Variants in HDAC4 observed in about 807,000 individuals in gnomAD.
The protein encoded by HDAC4 is histone deacetylase 4.
A neutral mutation model predicts 135.1 loss-of-function variants in HDAC4; 16 were observed. The ratio of observed to expected loss-of-function variants is 0.12; its 90% confidence interval spans 0.08 to 0.18. HDAC4 has a LOEUF of 0.18. Among genes scored for constraint, HDAC4 ranks in the 10% least tolerant of loss-of-function variants. HDAC4 has a pLI of 1.00. For missense variants in HDAC4, 1,143 were observed against 1,511.8 expected, an observed-to-expected ratio of 0.76 and a Z score of 4.05; for synonymous variants, 685 against 653.4, an observed-to-expected ratio of 1.05 and a Z score of -0.74.
intron 11 of HDAC4, among the ~76,000 whole-genome samples, chr2:239,130,388 G>A (rs911175382): frequency 6.6e-6 from 1 of 152,168 alleles, no homozygotes; most frequent in Non-Finnish European, 1.5e-5. Context: ...GAAGCCAGGG[G>A]CACCCTCCAC....
chr2:239,223,870 G>A (rs2047099789), intron 3 of HDAC4, among the ~76,000 whole-genome samples: 1 of 151,540 alleles, frequency 6.6e-6, no homozygotes, highest in African/African-American at 2.4e-5. Flanking sequence ...AAAAAAAAAA[G>A]GGAAAAGAAA....
chr2:239,094,814 C>T, intron 17 of HDAC4, 196 bp downstream of exon 17: 1 of 1,456,832 alleles, frequency 6.9e-7, no homozygotes, highest in Non-Finnish European at 9.1e-7. Context: ...CAACCTTCCC[C>T]AGAGAAAGGT....
At chr2:239,256,179 C>A (rs983583560) in intron 2 of HDAC4, among the ~76,000 whole-genome samples, 10 of 152,214 alleles carry the variant, frequency 6.6e-5, no homozygotes, top group African/African-American at 2.4e-4. Flanking sequence ...GGCAGAGCCA[C>A]AGAAAGCGGT....
chr2:239,199,489 G>A (rs935960770), intron 3 of HDAC4, among the ~76,000 whole-genome samples: 1 of 152,186 alleles, frequency 6.6e-6, no homozygotes, highest in Non-Finnish European at 1.5e-5. Context: ...GAAAGGCAGT[G>A]TCATGCTTGA....
At chr2:239,137,922 C>T (rs59606978) in intron 9 of HDAC4, among the ~76,000 whole-genome samples, 1 of 152,198 alleles carries the variant, frequency 6.6e-6, no homozygotes, top group African/African-American at 2.4e-5. Context: ...GCTTCATTTA[C>T]GTATCGTGAT....
At chr2:239,339,253 T>A (rs879525790) in intron 2 of HDAC4, among the ~76,000 whole-genome samples, 1 of 152,202 alleles carries the variant, frequency 6.6e-6, no homozygotes, top group Non-Finnish European at 1.5e-5. Flanking sequence ...CTGCTCACTG[T>A]CCCAGTGAAG....
chr2:239,095,174 G>T, intron 16 of HDAC4, 118 bp from the exon 17 acceptor site: 1 of 1,047,376 alleles, frequency 9.5e-7, no homozygotes, highest in Non-Finnish European at 1.5e-6. Context: ...GACAACGAGG[G>T]GCCACTGCTC....
intron 22 of HDAC4, among the ~76,000 whole-genome samples, chr2:239,075,785 T>C (rs1329408116): frequency 2.6e-5 from 4 of 152,178 alleles, no homozygotes; most frequent in Non-Finnish European, 4.4e-5. Flanking sequence ...GAAGACGACA[T>C]CTCCCCTCAG....
At chr2:239,312,384 G>GCTGCCAGCACCACCATCCATGCTGGCC (rs2052924285) in intron 2 of HDAC4, among the ~76,000 whole-genome samples, 1 of 152,192 alleles carries the variant, frequency 6.6e-6, no homozygotes, top group Non-Finnish European at 1.5e-5. Context: ...CGGTGGTGGT[G>GCTGCCAGCACCACCATCCATGCTGGCC]CTGCCAGCAC....
At chr2:239,157,206 G>C (rs1300877758) in intron 6 of HDAC4, among the ~76,000 whole-genome samples, 1 of 152,216 alleles carries the variant, frequency 6.6e-6, no homozygotes, top group African/African-American at 2.4e-5. Flanking sequence ...AGGCAGCTGA[G>C]ACGGGGCAAA....
chr2:239,395,049 T>C (rs1283422783), intron 1 of HDAC4, among the ~76,000 whole-genome samples: 1 of 152,128 alleles, frequency 6.6e-6, no homozygotes, highest in Non-Finnish European at 1.5e-5. Flanking sequence ...AGGATGAGCA[T>C]GAACTGAGGG....
intron 2 of HDAC4, among the ~76,000 whole-genome samples, chr2:239,343,417 G>C (rs1031938961): frequency 3.9e-5 from 6 of 152,218 alleles, no homozygotes; most frequent in African/African-American, 1.4e-4. Flanking sequence ...AAAAGACAGA[G>C]GAAGGACAGA....
intron 1 of HDAC4, among the ~76,000 whole-genome samples, chr2:239,387,756 C>CCCTAAAAAG (rs979900555): frequency 6.6e-6 from 1 of 152,096 alleles, no homozygotes. Flanking sequence ...TGCACCTGGG[C>CCCTAAAAAG]CCTAAAAAGC....
At chr2:239,120,597 G>A (rs1156376857) in intron 12 of HDAC4, among the ~76,000 whole-genome samples, 1 of 132,652 alleles carries the variant, frequency 7.5e-6, no homozygotes, top group African/African-American at 2.7e-5. Context: ...GGAAGGTGGG[G>A]GAGGGAAATG....
intron 2 of HDAC4, among the ~76,000 whole-genome samples, chr2:239,321,229 G>C (rs982446968): frequency 5.3e-5 from 8 of 152,176 alleles, no homozygotes; most frequent in African/African-American, 1.9e-4. Flanking sequence ...ACTTTGGAAG[G>C]TGAAGGTGGG....
chr2:239,153,052 G>A, intron 7 of HDAC4, among the ~76,000 whole-genome samples: 1 of 152,224 alleles, frequency 6.6e-6, no homozygotes, highest in Non-Finnish European at 1.5e-5. Context: ...TAGAAACTCA[G>A]GCACCTGGTC....
intron 2 of HDAC4, among the ~76,000 whole-genome samples, chr2:239,289,671 GC>G (rs1218219787): frequency 6.6e-6 from 1 of 152,180 alleles, no homozygotes; most frequent in Non-Finnish European, 1.5e-5. Context: ...GGCACGCAGG[GC>G]CCCTCCCAGC....
chr2:239,145,099 G>A (rs1428190705), intron 7 of HDAC4, among the ~76,000 whole-genome samples: 2 of 152,142 alleles, frequency 1.3e-5, no homozygotes, highest in Non-Finnish European at 2.9e-5. Context: ...CGTAACTAAT[G>A]CTCTTCTAGA....
chr2:239,384,280 T>C (rs1273215092), intron 1 of HDAC4, among the ~76,000 whole-genome samples: 3 of 151,650 alleles, frequency 2.0e-5, no homozygotes, highest in African/African-American at 7.3e-5. Context: ...AAATGACATA[T>C]TTTAGTACCT....
Sources: allele counts gnomAD v4.1 joint callset (sites outside exome capture counted in the v4.1 genomes callset), GRCh38; gene constraint gnomAD v4.1.1; transcripts MANE v1.5; gene names NCBI Gene and HGNC (gene_info 2026-07-23, HGNC 2026-07-21).